Variants in ZNF718 observed in about 807,000 individuals in gnomAD.
ZNF718 encodes zinc finger protein 718.
A neutral mutation model predicts 2.6 loss-of-function variants in ZNF718; 3 were observed. The ratio of observed to expected loss-of-function variants is 1.16; its 90% CI spans 0.53 to 3.01. The LOEUF is 3.01. Ranked by LOEUF, ZNF718 falls within the 30% of genes most tolerant of loss-of-function variation. The pLI, the probability that ZNF718 is intolerant of heterozygous loss-of-function variation, is 0.03. For synonymous variants in ZNF718, 135 were observed against 77.9 expected, an observed-to-expected ratio of 1.73 and a Z score of -3.86; for missense variants, 468 against 230.0, an observed-to-expected ratio of 2.03 and a Z score of -6.69.
Position 193,697 on chromosome 4 carries a change from G to A in ZNF718, c.227-7384G>A, listed in dbSNP as rs1309741291. Among the ~76,000 whole-genome samples, 3 of 152,036 alleles carry A rather than the reference G, an allele frequency of 2.0e-5. No individual in the cohort carries two copies. The East Asian group carries it at 5.8e-4, about 29-fold the overall frequency. On this transcript the variant is annotated intron_variant and NMD_transcript_variant, in intron 3 of 4. Coordinates refer to the ZNF718 transcript ENST00000642529. ...GAGTAAGACTGAGAAGGCTGCACCA[G>A]TGTCCAGGAGGCAGTTAACCTCCTG...
downstream of ZNF718, among the ~76,000 whole-genome samples, chr4:168,994 C>A (rs1717161444): frequency 6.6e-6 from 1 of 152,152 alleles, no homozygotes; most frequent in Admixed American, 6.5e-5. Context: ...GCATTTAGTG[C>A]TATAAATTTC....
At chr4:124,827 C>A in intron 1 of ZNF718, 154 bp downstream of exon 1, 3 of 994,766 alleles carry the variant, frequency 3.0e-6, no homozygotes, top group Non-Finnish European at 4.4e-6. Context: ...TGTCAGTCCC[C>A]GTACAGCGGC....
chr4:168,500 T>C (rs2108808752), downstream of ZNF718, among the ~76,000 whole-genome samples: 2 of 152,300 alleles, frequency 1.3e-5, no homozygotes, highest in Middle Eastern at 3.4e-3. Flanking sequence ...TTTTGGTTGG[T>C]AAGCTATTAA....
At chr4:149,242 A>G (rs533190297) in intron 3 of ZNF718, among the ~76,000 whole-genome samples, 7 of 152,332 alleles carry the variant, frequency 4.6e-5, no homozygotes, top group African/African-American at 1.4e-4. Context: ...ACATGTATTG[A>G]CATGGCTCAT....
In ZNF718 at chr4:177,090, C is replaced by G. The variant is rs1717365207; in HGVS notation, c.227-23991C>G. 2.0e-5 allele frequency among the ~76,000 whole-genome samples: 3 copies of G among 152,182 alleles called. No homozygotes were observed. In the South Asian group the frequency reaches 6.2e-4, roughly 32 times the overall value. On this transcript the variant is annotated intron_variant and NMD_transcript_variant, in intron 3 of 4. Transcript: ENST00000642529. ...CTCTGCTGTTACCCTTATTTACCAC[C>G]TCACACCAGATCAGCTCAGAAGTTT...
chr4:142,188 G>T, intron 3 of ZNF718: 1 of 361,240 alleles, frequency 2.8e-6, no homozygotes, highest in South Asian at 2.1e-5. Flanking sequence ...CCAAGAAGAT[G>T]GCATCCTTGA....
intron 3 of ZNF718, among the ~76,000 whole-genome samples, chr4:148,933 T>A (rs1716194732): frequency 6.6e-6 from 1 of 152,200 alleles, no homozygotes; most frequent in Non-Finnish European, 1.5e-5. Flanking sequence ...TAGCTGGGAC[T>A]ATGATGGGCA....
chr4:170,342 T>G (rs1329075455), intron 3 of ZNF718, among the ~76,000 whole-genome samples: 1 of 152,134 alleles, frequency 6.6e-6, no homozygotes, highest in Non-Finnish European at 1.5e-5. Flanking sequence ...TTGCTCCTCT[T>G]GAGGAGTATC....
intron 3 of ZNF718, among the ~76,000 whole-genome samples, chr4:190,549 A>G (rs1441238270): frequency 3.9e-5 from 6 of 152,168 alleles, no homozygotes; most frequent in African/African-American, 1.4e-4. Flanking sequence ...AAAGTCAAAT[A>G]TAAAGTAAAC....
chr4:167,031 G>A (rs1234207146), downstream of ZNF718, among the ~76,000 whole-genome samples: 2 of 152,118 alleles, frequency 1.3e-5, no homozygotes, highest in South Asian at 2.1e-4. Context: ...TTTTGTATAA[G>A]GTGTAAGGAA....
chr4:162,150 G>A lies in ZNF718; in HGVS notation c.*28G>A. On this transcript the variant is annotated 3_prime_UTR_variant, in exon 4 of 4. Transcript: ENST00000510175. ...ATGTGAAGAATGTGGGAGCCTTTAA[G>A]TCTTCCTCAGTCTTTTCTAATCATA... 1 of 667,608 alleles carries A rather than the reference G, an allele frequency of 1.5e-6. No individual in the cohort carries two copies. Among genetic ancestry groups the A allele is most frequent in the Non-Finnish European group, 2.7e-6 (1 of 365,850 alleles). The allele number at this position is 667,608 out of a possible 1,614,324, so 41.4% of individuals were successfully genotyped here.
chr4:171,616 G>T (rs1458762938), intron 3 of ZNF718, among the ~76,000 whole-genome samples: 1 of 152,192 alleles, frequency 6.6e-6, no homozygotes, highest in Admixed American at 6.5e-5. Context: ...AGTGAGTGAG[G>T]CTCTGTGGGT....
chr4:177,561 G>A (rs1431825780), intron 3 of ZNF718, among the ~76,000 whole-genome samples: 1 of 151,946 alleles, frequency 6.6e-6, no homozygotes, highest in Non-Finnish European at 1.5e-5. Flanking sequence ...TTTGGGCCTT[G>A]CTCACTAAAT....
chr4:143,002 T>C (rs563886823), intron 3 of ZNF718, among the ~76,000 whole-genome samples: 1 of 152,218 alleles, frequency 6.6e-6, no homozygotes, highest in Non-Finnish European at 1.5e-5. Flanking sequence ...TGCAGCCATC[T>C]CTAGGATGTC....
intron 1 of ZNF718, chr4:124,890 C>T (rs1715125981): frequency 7.3e-6 from 4 of 545,354 alleles, no homozygotes; most frequent in Non-Finnish European, 1.3e-5. Flanking sequence ...TAGCCCTGCA[C>T]TTTCCCCGGG....
intron 3 of ZNF718, among the ~76,000 whole-genome samples, chr4:157,671 T>C (rs1197954566): frequency 1.3e-5 from 2 of 152,088 alleles, no homozygotes; most frequent in East Asian, 3.9e-4. Flanking sequence ...TTTATTCTAC[T>C]CTCTTTCCAG....
chr4:186,241 A>G (rs1304615864), intron 3 of ZNF718, among the ~76,000 whole-genome samples: 1 of 152,132 alleles, frequency 6.6e-6, no homozygotes, highest in Non-Finnish European at 1.5e-5. Flanking sequence ...TTCACTTATG[A>G]AGCTTAACTT....
chr4:124,561 C>A lies in ZNF718; in HGVS notation c.-110C>A. ...GGGCCTCATCGCTCTGCTCCCGCTC[C>A]TTAGGGAAGCCTCGGTGATTCTGCC... On this transcript the variant is annotated 5_prime_UTR_variant, in exon 1 of 4. Coordinates refer to ENST00000510175, the MANE Select transcript of ZNF718 (RefSeq NM_001039127.6). 6.6e-7 allele frequency: 1 copy of A among 1,511,614 alleles called. No individual in the cohort carries two copies. Among genetic ancestry groups the A allele is most frequent in the Non-Finnish European group, 9.1e-7 (1 of 1,102,688 alleles). The allele number at this position is 1,511,614 out of a possible 1,614,324, so 93.6% of individuals were successfully genotyped here. A position where few individuals can be genotyped will look rare whatever the true frequency, so the allele number is the denominator to read the frequency against.
In ZNF718 at chr4:155,517, T is replaced by A. The variant is rs555135954; in HGVS notation, c.227-5395T>A. Among the ~76,000 whole-genome samples, 11 of 152,324 alleles carry A rather than the reference T, an allele frequency of 7.2e-5. No individual in the cohort carries two copies. In the South Asian group the frequency reaches 2.3e-3, roughly 32 times the overall value. On this transcript the variant is annotated intron_variant, in intron 3 of 3. Coordinates refer to ENST00000510175, the MANE Select transcript of ZNF718 (RefSeq NM_001039127.6). ...GTCAAAGGACATCATTTTGGAGCTT[T>A]AAGATTTGACTGCCTTGCTGAATTT...
Sources: allele counts gnomAD v4.1 joint callset (sites outside exome capture counted in the v4.1 genomes callset), GRCh38; gene constraint gnomAD v4.1.1; transcripts MANE v1.5; gene names NCBI Gene and HGNC (gene_info 2026-07-23, HGNC 2026-07-21).